The following EFCAB6 variants were observed in gnomAD, a reference collection of about 807,000 sequenced individuals.
EFCAB6 encodes EF-hand calcium-binding domain-containing protein 6.
EFCAB6 carries 156 observed loss-of-function variants against 169.8 expected under a neutral mutation model. The observed-to-expected ratio is 0.92, with a 90% CI of 0.81 to 1.05. The LOEUF (loss-of-function observed/expected upper bound fraction) is 1.05. Ranked by LOEUF, EFCAB6 falls within the 50% of genes least tolerant of loss-of-function variation. The pLI is 0.00. For synonymous variants in EFCAB6, 698 were observed against 676.4 expected (o/e 1.03, Z -0.50); for missense variants, 1,800 against 1,829.1 (o/e 0.98, Z 0.29).
intron 2 of EFCAB6, among the ~76,000 whole-genome samples, chr22:43,808,205 T>C (rs1302447795): frequency 6.6e-6 from 1 of 152,210 alleles, no homozygotes; most frequent in Non-Finnish European, 1.5e-5. Context: ...GTATTGTAAG[T>C]AATCTAGAGA....
intron 10 of EFCAB6, among the ~76,000 whole-genome samples, chr22:43,697,491 T>C (rs1337635627): frequency 1.3e-5 from 2 of 152,182 alleles, no homozygotes; most frequent in East Asian, 1.9e-4. Context: ...GGCTATTACA[T>C]TTATGGTAGT....
intron 24 of EFCAB6, among the ~76,000 whole-genome samples, chr22:43,583,552 T>G (rs562969878): frequency 6.6e-6 from 1 of 151,984 alleles, no homozygotes; most frequent in African/African-American, 2.4e-5. Flanking sequence ...TATGGCCTAT[T>G]TGTGTCCCCT....
At chr22:43,687,698 C>A in intron 10 of EFCAB6, 117 bp from the exon 11 acceptor site, 1 of 557,020 alleles carries the variant, frequency 1.8e-6, no homozygotes. Flanking sequence ...TATGAAGTTT[C>A]AAATCTAATA....
intron 10 of EFCAB6, among the ~76,000 whole-genome samples, chr22:43,694,905 A>G (rs1023835492): frequency 1.3e-5 from 2 of 152,090 alleles, no homozygotes; most frequent in African/African-American, 4.8e-5. Context: ...ATCAGGAATA[A>G]AGCAGGAATG....
At chr22:43,799,968 G>T (rs1478385623) in intron 2 of EFCAB6, among the ~76,000 whole-genome samples, 1 of 152,146 alleles carries the variant, frequency 6.6e-6, no homozygotes, top group Non-Finnish European at 1.5e-5. Flanking sequence ...TCGCTGGCAG[G>T]AGACCTATCC....
rs1441171798 is a variant in EFCAB6 at position 43,576,329 on chromosome 22, A to G, written c.3388T>C (p.Phe1130Leu). 8 of 1,595,762 alleles carry G rather than the reference A, an allele frequency of 5.0e-6. No homozygotes were observed. Among genetic ancestry groups the G allele is most frequent in the Non-Finnish European group, 6.8e-6 (8 of 1,175,506 alleles). ...AGGAAACAGCTAAAGTTCTGGAGAA[A>G]ATATTTCCAATTTATATAGGGGGTT... ...HLTPYINWKY[F>L]LQNFSCFLEE... Residue 1130 changes from phenylalanine (F) to leucine (L), a missense_variant, in exon 26 of 32, where the codon TTT (phenylalanine) becomes CTT (leucine). Physicochemically the swap from Phe to Leu is conservative, Grantham distance 22 (BLOSUM62 0). Transcript: ENST00000262726.
chr22:43,529,408 G>C (rs1485370863), intron 31 of EFCAB6, among the ~76,000 whole-genome samples: 2 of 152,212 alleles, frequency 1.3e-5, no homozygotes, highest in Admixed American at 1.3e-4. Context: ...GACCGTAACA[G>C]AGCCTGGAGC....
chr22:43,540,311 A>G lies in EFCAB6; in HGVS notation c.3695T>C (p.Leu1232Pro). Residue 1232 changes from leucine to proline, a missense_variant, in exon 28 of 32, where the codon CTG becomes CCG. Coordinates refer to ENST00000262726, the MANE Select transcript of EFCAB6 (RefSeq NM_022785.4). ...NEMPVNAKGR[L>P]KYPDFLSRFS... ...CCTGCTCAGGAAGTCCGGGTATTTC[A>G]GCCTCCCCTTGGCATTGACTGGCAT... The G allele has an allele frequency of 6.2e-7, 1 of 1,614,106 alleles. No homozygotes were observed. Among genetic ancestry groups the G allele is most frequent in the Non-Finnish European group, 8.5e-7 (1 of 1,180,016 alleles).
chr22:43,751,536 G>A (rs1248645081), intron 6 of EFCAB6, among the ~76,000 whole-genome samples: 1 of 152,236 alleles, frequency 6.6e-6, no homozygotes, highest in Non-Finnish European at 1.5e-5. Context: ...ACTCCAGGAT[G>A]GAGCTGGGAC....
Position 43,580,497 on chromosome 22 carries a change from T to G in EFCAB6, c.3195A>C (p.Glu1065Asp). Residue 1065 changes from glutamate to aspartate, a missense_variant, in exon 25 of 32, where the codon GAA becomes GAC. Physicochemically the swap from Glu to Asp is conservative, Grantham distance 45 (BLOSUM62 2). Transcript: ENST00000262726. Reference protein sequence around the residue: ...NPQEAVRKIQEVVESSQLALS... With the variant: ...NPQEAVRKIQDVVESSQLALS... ...AAGCCAGCTGGGAGGACTCAACTAC[T>G]TCCTGGATCTTCCTCACAGCCTCCT... is the stretch of plus-strand genomic sequence containing the variant. The G allele has an allele frequency of 6.2e-7, 1 of 1,614,150 alleles. No individual in the cohort carries two copies. The highest frequency in any genetic ancestry group is 8.5e-7 in the Non-Finnish European group (1 of 1,180,024).
chr22:43,548,715 A>AT (rs1452295707), intron 27 of EFCAB6, among the ~76,000 whole-genome samples: 1 of 152,156 alleles, frequency 6.6e-6, no homozygotes, highest in Non-Finnish European at 1.5e-5. Flanking sequence ...ACAGTGAGTG[A>AT]TTTCAACATA....
At chr22:43,694,446 C>T (rs565861300) in intron 10 of EFCAB6, among the ~76,000 whole-genome samples, 2 of 152,152 alleles carry the variant, frequency 1.3e-5, no homozygotes, top group South Asian at 2.1e-4. Context: ...TTTCCCAACA[C>T]ATGTCCCAAG....
intron 9 of EFCAB6, 26 bp downstream of exon 9, chr22:43,716,822 A>G: frequency 6.3e-7 from 1 of 1,592,510 alleles, no homozygotes; most frequent in Non-Finnish European, 8.5e-7. Flanking sequence ...CTCTGTAGGT[A>G]ATTGTGGCTT....
chr22:43,789,828 C>A (rs1390193906), intron 2 of EFCAB6, among the ~76,000 whole-genome samples: 2 of 148,630 alleles, frequency 1.3e-5, no homozygotes, highest in East Asian at 3.9e-4. Flanking sequence ...TTGTCTGAGG[C>A]TCCTAAGTTG....
chr22:43,644,751 C>A (rs1396122881), intron 17 of EFCAB6, among the ~76,000 whole-genome samples: 2 of 152,088 alleles, frequency 1.3e-5, no homozygotes, highest in Non-Finnish European at 2.9e-5. Flanking sequence ...ATATATTATT[C>A]CCATAAAAAC....
In EFCAB6 at chr22:43,768,147, A is replaced by C. The variant is rs929160236; in HGVS notation, c.352-2754T>G. Reference sequence around the variant, plus strand: ...CAACTTCTTTTAAATGGCCTCCATTAATATTCAGGGACTGAGGCCACATTT... The same window carrying C: ...CAACTTCTTTTAAATGGCCTCCATTCATATTCAGGGACTGAGGCCACATTT... On this transcript the variant is annotated intron_variant, in intron 4 of 31. Coordinates refer to ENST00000262726, the MANE Select transcript of EFCAB6 (RefSeq NM_022785.4). Among the ~76,000 whole-genome samples the C allele has an allele frequency of 2.0e-5, 3 of 152,346 alleles. No individual in the cohort carries two copies. The South Asian group carries it at 6.2e-4, about 32-fold the overall frequency.
intron 2 of EFCAB6, among the ~76,000 whole-genome samples, chr22:43,807,785 C>A (rs975740803): frequency 6.6e-5 from 10 of 152,238 alleles, no homozygotes; most frequent in African/African-American, 2.4e-4. Flanking sequence ...CTTGTCTATA[C>A]TGATATCAAA....
chr22:43,765,277 T>C (rs753626253), intron 5 of EFCAB6, 28 bp downstream of exon 5: 3 of 1,572,058 alleles, frequency 1.9e-6, no homozygotes, highest in Non-Finnish European at 2.6e-6. Context: ...AAATTTCACA[T>C]TTTCACATGA....
intron 17 of EFCAB6, among the ~76,000 whole-genome samples, chr22:43,640,293 T>C (rs772764163): frequency 2.6e-5 from 4 of 152,240 alleles, no homozygotes; most frequent in South Asian, 2.1e-4. Flanking sequence ...TAAATCTTTA[T>C]ATCTATGTAT....
Sources: gnomAD v4.1 joint callset for allele counts (sites outside exome capture counted in the v4.1 genomes callset) on GRCh38, gnomAD v4.1.1 for gene constraint, MANE v1.5 for transcripts, NCBI Gene and HGNC (gene_info 2026-07-23, HGNC 2026-07-21) for gene names.